The following RPAP2 variants were observed in gnomAD, a reference collection of about 807,000 sequenced individuals.
The protein encoded by RPAP2 is RNA polymerase II associated protein 2, also known as putative RNA polymerase II subunit B1 CTD phosphatase RPAP2.
A neutral mutation model predicts 73.1 loss-of-function variants in RPAP2; 52 were observed. That is an observed-to-expected ratio of 0.71 (90% CI 0.57 to 0.90). RPAP2 has a LOEUF of 0.90. RPAP2 is among the 40% of genes least tolerant of loss of function. The pLI is 0.00. For missense variants in RPAP2, 598 were observed against 701.8 expected (o/e 0.85, Z 1.67); for synonymous variants, 225 against 242.1 (o/e 0.93, Z 0.65).
At chr1:92,306,014 G>A (rs1367933956) in intron 5 of RPAP2, among the ~76,000 whole-genome samples, 2 of 152,102 alleles carry the variant, frequency 1.3e-5, no homozygotes, top group African/African-American at 2.4e-5. Flanking sequence ...AAACAATGTC[G>A]TATATACACA....
At chr1:92,376,469 G>T (rs1655391352) in intron 11 of RPAP2, among the ~76,000 whole-genome samples, 1 of 152,108 alleles carries the variant, frequency 6.6e-6, no homozygotes, top group Non-Finnish European at 1.5e-5. Flanking sequence ...AACAGTTAGG[G>T]GTCACGTGTT....
At chr1:92,371,319 A>AAT (rs1553155688) in intron 11 of RPAP2, among the ~76,000 whole-genome samples, 41 of 61,706 alleles carry the variant, frequency 6.6e-4, no homozygotes, top group African/African-American at 1.7e-3. Flanking sequence ...AAAAAAAAAA[A>AAT]ATATATATAT....
At chr1:92,373,739 T>TA (rs59586077) in intron 11 of RPAP2, among the ~76,000 whole-genome samples, 3,035 of 79,612 alleles carry the variant, frequency 0.038, 285 homozygotes, top group Non-Finnish European at 0.062. Flanking sequence ...CTACTAAAAA[T>TA]AAAAAAAAAA....
chr1:92,348,319 T>C (rs1175040119), intron 11 of RPAP2, among the ~76,000 whole-genome samples: 4 of 152,256 alleles, frequency 2.6e-5, no homozygotes, highest in Non-Finnish European at 4.4e-5. Context: ...TAGTCATTGG[T>C]CAACTGGACA....
At chr1:92,312,002 G>A (rs1651620728) in intron 6 of RPAP2, among the ~76,000 whole-genome samples, 1 of 152,172 alleles carries the variant, frequency 6.6e-6, no homozygotes, top group African/African-American at 2.4e-5. Context: ...GTGGTAATTT[G>A]TTGAAATAAG....
chr1:92,388,201 A>G lies in RPAP2; in HGVS notation c.*1190A>G, dbSNP rs1379347685. ...ACCAAAGAGAATTAAATACTTAGGA[A>G]TAAATTTAACAAAATAAGTATAAGA... On this transcript the variant is annotated 3_prime_UTR_variant, in exon 13 of 13. Transcript: ENST00000610020. 3 of 152,220 alleles carry G rather than the reference A, an allele frequency of 2.0e-5. No individual in the cohort carries two copies. Among genetic ancestry groups the G allele is most frequent in the Non-Finnish European group, 4.4e-5 (3 of 68,042 alleles). The allele number at this position is 152,220 out of a possible 1,614,324, so 9.4% of individuals were successfully genotyped here. A position where few individuals can be genotyped will look rare whatever the true frequency, so the allele number is the denominator to read the frequency against.
chr1:92,332,801 C>G (rs1473501221), intron 8 of RPAP2, among the ~76,000 whole-genome samples: 2 of 152,156 alleles, frequency 1.3e-5, no homozygotes, highest in Non-Finnish European at 2.9e-5. Context: ...TGCTCAATTT[C>G]TCAATATCTA....
chr1:92,311,865 G>C (rs1298623895), intron 6 of RPAP2, among the ~76,000 whole-genome samples: 1 of 151,920 alleles, frequency 6.6e-6, no homozygotes, highest in African/African-American at 2.4e-5. Flanking sequence ...ATATTTTATT[G>C]CTTAAAGATG....
chr1:92,323,042 CTTTATA>C lies in RPAP2; in HGVS notation c.525-395_525-390del, dbSNP rs745330018. 2.7e-3 allele frequency among the ~76,000 whole-genome samples: 390 copies of C among 142,518 alleles called. 2 individuals are homozygous for C. Among genetic ancestry groups the C allele is most frequent in the South Asian group, 9.3e-3 (43 of 4,600 alleles). The allele number at this position is 142,518 out of a possible 152,430, so 93.5% of individuals were successfully genotyped here. A position where few individuals can be genotyped will look rare whatever the true frequency, so the allele number is the denominator to read the frequency against. ...TTTATATTTTTATATATTTATATAT[CTTTATA>C]TTTATATATATACTTTATATATATA... is the stretch of plus-strand genomic sequence containing the variant. On this transcript the variant is annotated intron_variant, in intron 7 of 12. Transcript: ENST00000610020.
intron 6 of RPAP2, among the ~76,000 whole-genome samples, chr1:92,309,701 G>T (rs1212838885): frequency 1.3e-5 from 2 of 152,270 alleles, no homozygotes; most frequent in African/African-American, 2.4e-5. Context: ...AGTTTGTGTT[G>T]ACTTTAATGG....
chr1:92,302,819 C>T (rs1199901426), intron 3 of RPAP2, among the ~76,000 whole-genome samples: 1 of 151,686 alleles, frequency 6.6e-6, no homozygotes, highest in Non-Finnish European at 1.5e-5. Context: ...CCAGGATGGT[C>T]TCGATTTCCT....
rs1241807059 is a variant in RPAP2 at position 92,393,873 on chromosome 1, TGGTG to T, written c.*6865_*6868del. ...AAAAATTGGAACGCTTTTACACTGT[TGGTG>T]GGAGTGCAAATTAGTCCGACCATTG... On this transcript the variant is annotated 3_prime_UTR_variant, in exon 13 of 13. Coordinates refer to ENST00000610020, the MANE Select transcript of RPAP2 (RefSeq NM_024813.3). 2.6e-5 allele frequency: 4 copies of T among 152,206 alleles called. No individual in the cohort carries two copies. Among genetic ancestry groups the T allele is most frequent in the African/African-American group, 4.8e-5 (2 of 41,452 alleles). The allele number at this position is 152,206 out of a possible 1,614,324, so 9.4% of individuals were successfully genotyped here.
intron 12 of RPAP2, among the ~76,000 whole-genome samples, chr1:92,384,192 G>A (rs1056928927): frequency 2.6e-5 from 4 of 151,600 alleles, no homozygotes; most frequent in Non-Finnish European, 5.9e-5. Context: ...TCTTGACCTC[G>A]TGATCTGCCT....
chr1:92,308,712 C>T (rs1651392854), intron 6 of RPAP2, among the ~76,000 whole-genome samples: 1 of 152,160 alleles, frequency 6.6e-6, no homozygotes, highest in Non-Finnish European at 1.5e-5. Flanking sequence ...ATAATCCCAA[C>T]ACTTTGAGAA....
chr1:92,353,548 C>T, intron 11 of RPAP2, among the ~76,000 whole-genome samples: 1 of 152,094 alleles, frequency 6.6e-6, no homozygotes, highest in East Asian at 1.9e-4. Context: ...TCATAGTGTT[C>T]AATTTGAAAC....
chr1:92,355,232 C>T (rs755853609), intron 11 of RPAP2, among the ~76,000 whole-genome samples: 17 of 152,062 alleles, frequency 1.1e-4, no homozygotes, highest in Non-Finnish European at 2.1e-4. Flanking sequence ...ACAAGGGTCT[C>T]TTGAAACCCT....
At chr1:92,381,943 C>G (rs530004976) in intron 12 of RPAP2, among the ~76,000 whole-genome samples, 7 of 137,330 alleles carry the variant, frequency 5.1e-5, no homozygotes, top group Non-Finnish European at 9.4e-5. Context: ...CAACAGTCCC[C>G]GGTGTGTGAT....
chr1:92,360,859 T>C (rs1393027181), intron 11 of RPAP2, among the ~76,000 whole-genome samples: 1 of 152,150 alleles, frequency 6.6e-6, no homozygotes, highest in African/African-American at 2.4e-5. Context: ...CTGGCTCTGA[T>C]TGATTCTTAC....
chr1:92,318,578 T>C (rs547942422), intron 6 of RPAP2, among the ~76,000 whole-genome samples: 1 of 152,324 alleles, frequency 6.6e-6, no homozygotes, highest in East Asian at 1.9e-4. Flanking sequence ...TTAACCCACT[T>C]TACTGAACCA....
Sources: allele counts gnomAD v4.1 joint callset (sites outside exome capture counted in the v4.1 genomes callset), GRCh38; gene constraint gnomAD v4.1.1; transcripts MANE v1.5; gene names NCBI Gene and HGNC (gene_info 2026-07-23, HGNC 2026-07-21).